Variants in COP1 observed in about 807,000 individuals in gnomAD.
COP1 encodes COP1 E3 ubiquitin ligase.
In COP1, 24 loss-of-function variants were observed where a neutral mutation model predicts 101.3. The ratio of observed to expected loss-of-function variants is 0.24; its 90% CI spans 0.17 to 0.33. The LOEUF is 0.33. Among genes scored for constraint, COP1 ranks in the 10% least tolerant of loss-of-function variants. The probability of loss-of-function intolerance (pLI) is 1.00; values close to 1 mark genes in which losing one functional copy is unlikely to be tolerated. For missense variants in COP1, 663 were observed against 906.2 expected, an observed-to-expected ratio of 0.73 and a Z score of 3.45; for synonymous variants, 347 against 341.9, an observed-to-expected ratio of 1.01 and a Z score of -0.17.
intron 3 of COP1, among the ~76,000 whole-genome samples, chr1:176,172,462 TAA>T (rs1027653305): frequency 6.6e-6 from 1 of 152,210 alleles, no homozygotes; most frequent in African/African-American, 2.4e-5. Context: ...CAAAAAGCTT[TAA>T]AGAGTACTGC....
intron 18 of COP1, among the ~76,000 whole-genome samples, chr1:175,969,323 A>G (rs957923372): frequency 1.3e-5 from 2 of 152,154 alleles, no homozygotes; most frequent in Non-Finnish European, 2.9e-5. Flanking sequence ...ATTTGAAAAA[A>G]CAGCAGAAGC....
At chr1:175,982,476 T>C (rs1656110134) in intron 18 of COP1, 2 of 438,852 alleles carry the variant, frequency 4.6e-6, no homozygotes, top group Middle Eastern at 3.3e-4. Flanking sequence ...AAGACCTTTA[T>C]GATTCACTTC....
At position 176,052,189 on chromosome 1, in the gene COP1, TTG is replaced by T. The variant is rs560436952; in HGVS notation, c.1278-5867_1278-5866del. On this transcript the variant is annotated intron_variant, in intron 11 of 19. Transcript: ENST00000367669. ...CCTACATTTAGATACACAAATACCA[TTG>T]TGTTAAAGCTACCTACAGCATTCAG... Among the ~76,000 whole-genome samples the T allele has an allele frequency of 3.3e-3, 506 of 152,272 alleles. 3 individuals are homozygous for T. The highest frequency in any genetic ancestry group is 0.018 in the South Asian group (85 of 4,824).
At chr1:176,165,682 T>C (rs1216675874) in intron 3 of COP1, among the ~76,000 whole-genome samples, 1 of 151,296 alleles carries the variant, frequency 6.6e-6, no homozygotes, top group Admixed American at 6.6e-5. Context: ...CTAGACTCCA[T>C]CTCAAAATAA....
At chr1:175,957,059 AC>A (rs1650745132) in intron 18 of COP1, among the ~76,000 whole-genome samples, 1 of 152,082 alleles carries the variant, frequency 6.6e-6, no homozygotes, top group Non-Finnish European at 1.5e-5. Context: ...AAAAGTTATT[AC>A]AAAAGAGTCA....
intron 8 of COP1, among the ~76,000 whole-genome samples, chr1:176,126,314 T>C (rs1687981089): frequency 6.6e-6 from 1 of 152,116 alleles, no homozygotes; most frequent in African/African-American, 2.4e-5. Flanking sequence ...AGAGGAAAGG[T>C]TTCACTTTTT....
At chr1:176,201,776 G>A (rs1700285825) in intron 1 of COP1, among the ~76,000 whole-genome samples, 1 of 152,172 alleles carries the variant, frequency 6.6e-6, no homozygotes, top group Admixed American at 6.5e-5. Flanking sequence ...CAATAGGTCT[G>A]ATAAAATATG....
chr1:176,189,802 AAAC>A (rs147292355), intron 1 of COP1, among the ~76,000 whole-genome samples: 16,516 of 152,104 alleles, frequency 0.11, 984 homozygotes, highest in Middle Eastern at 0.16. Flanking sequence ...TGACCAAAAC[AAAC>A]AACAATCATA....
intron 18 of COP1, among the ~76,000 whole-genome samples, chr1:175,978,124 T>A (rs1181843340): frequency 6.6e-6 from 1 of 152,136 alleles, no homozygotes; most frequent in Non-Finnish European, 1.5e-5. Context: ...ATTTCTTTTC[T>A]TCCCTTAAAA....
chr1:176,100,702 C>T (rs911867034), intron 9 of COP1, among the ~76,000 whole-genome samples: 5 of 152,134 alleles, frequency 3.3e-5, no homozygotes, highest in African/African-American at 1.2e-4. Context: ...AGGGAGCTAA[C>T]CAAAGACAAG....
chr1:176,023,182 A>G (rs1667054374), intron 15 of COP1, among the ~76,000 whole-genome samples: 3 of 152,220 alleles, frequency 2.0e-5, no homozygotes, highest in African/African-American at 7.2e-5. Flanking sequence ...AGCCAAGCCT[A>G]CAGAATCATT....
intron 8 of COP1, chr1:176,133,770 A>G: frequency 2.4e-6 from 1 of 420,512 alleles, no homozygotes; most frequent in South Asian, 1.7e-5. Context: ...AACAGAGAGG[A>G]AAAAGACAAT....
chr1:176,143,692 T>G (rs1691103859), intron 6 of COP1, among the ~76,000 whole-genome samples: 1 of 152,108 alleles, frequency 6.6e-6, no homozygotes, highest in Admixed American at 6.6e-5. Flanking sequence ...CCAATTGTCC[T>G]GGTGGGGTTT....
intron 18 of COP1, among the ~76,000 whole-genome samples, chr1:175,961,250 C>T (rs1651304347): frequency 6.6e-6 from 1 of 152,178 alleles, no homozygotes; most frequent in Non-Finnish European, 1.5e-5. Context: ...TATACATGTC[C>T]TATTACTTCT....
At chr1:176,105,464 A>G (rs938586713) in intron 9 of COP1, among the ~76,000 whole-genome samples, 10 of 152,186 alleles carry the variant, frequency 6.6e-5, no homozygotes, top group African/African-American at 1.2e-4. Flanking sequence ...CTCTAGTTAC[A>G]TTGGTTTTCT....
chr1:176,172,233 G>A (rs1696184153), intron 3 of COP1, among the ~76,000 whole-genome samples: 1 of 152,120 alleles, frequency 6.6e-6, no homozygotes, highest in Non-Finnish European at 1.5e-5. Context: ...ATAGAGACAA[G>A]GTCTCGCTAT....
At chr1:176,144,707 C>A (rs1168426656) in intron 6 of COP1, among the ~76,000 whole-genome samples, 3 of 151,950 alleles carry the variant, frequency 2.0e-5, no homozygotes, top group South Asian at 4.2e-4. Context: ...GAAAAGAGGA[C>A]CTAGAAACAG....
chr1:175,970,947 G>T (rs1364187824), intron 18 of COP1, among the ~76,000 whole-genome samples: 1 of 152,176 alleles, frequency 6.6e-6, no homozygotes, highest in Admixed American at 6.5e-5. Flanking sequence ...GTGCATAAAG[G>T]CCGACTGAAA....
At chr1:175,953,317 T>C (rs561939521) in intron 18 of COP1, among the ~76,000 whole-genome samples, 78 of 151,486 alleles carry the variant, frequency 5.1e-4, no homozygotes, top group Admixed American at 1.2e-3. Context: ...ATGAGGAACA[T>C]AGGAACTTAG....
Sources: allele counts gnomAD v4.1 joint callset (sites outside exome capture counted in the v4.1 genomes callset), GRCh38; gene constraint gnomAD v4.1.1; transcripts MANE v1.5; gene names NCBI Gene and HGNC (gene_info 2026-07-23, HGNC 2026-07-21).